Variants in FBXL7 observed in about 807,000 individuals in gnomAD.
FBXL7 encodes F-box and leucine rich repeat protein 7.
A neutral mutation model predicts 38.3 loss-of-function variants in FBXL7; 12 were observed. The observed-to-expected ratio is 0.31, with a 90% CI of 0.20 to 0.51. FBXL7 has a LOEUF of 0.51. Among genes scored for constraint, FBXL7 ranks in the 20% least tolerant of loss-of-function variants. FBXL7 has a pLI of 0.98. For synonymous variants in FBXL7, 297 were observed against 300.9 expected (o/e 0.99, Z 0.13); for missense variants, 567 against 676.4 (o/e 0.84, Z 1.79).
At position 15,500,248 on chromosome 5, in the gene FBXL7, G is replaced by GC. The variant is rs1736450738; in HGVS notation, c.-427dup. ...TGGCCGCCGCGCCCTCCCCGGGGAA[G>GC]CCGCGGGCGCGCAGGGGCAGCCGAA... On this transcript the variant is annotated 5_prime_UTR_variant, in exon 1 of 4. Transcript: ENST00000504595. 1 of 151,944 alleles carries GC rather than the reference G, an allele frequency of 6.6e-6. No homozygotes were observed. The highest frequency in any genetic ancestry group is 1.5e-5 in the Non-Finnish European group (1 of 67,966). 9.4% of individuals were successfully genotyped at this position (151,944 alleles called of 1,614,324 possible).
chr5:15,775,318 T>G (rs1176099587), intron 2 of FBXL7, among the ~76,000 whole-genome samples: 1 of 152,178 alleles, frequency 6.6e-6, no homozygotes, highest in Non-Finnish European at 1.5e-5. Flanking sequence ...TTTTATGTCA[T>G]ACATTTTTGA....
intron 2 of FBXL7, among the ~76,000 whole-genome samples, chr5:15,752,984 G>T (rs1261452777): frequency 6.6e-6 from 1 of 152,148 alleles, no homozygotes; most frequent in African/African-American, 2.4e-5. Context: ...TGACGTTAGG[G>T]CAAAGTTGTT....
intron 1 of FBXL7, among the ~76,000 whole-genome samples, chr5:15,585,140 A>T (rs1273236429): frequency 1.3e-5 from 2 of 152,214 alleles, no homozygotes; most frequent in Non-Finnish European, 2.9e-5. Flanking sequence ...GCAGTTTGGG[A>T]GATAGAAGGA....
intron 1 of FBXL7, among the ~76,000 whole-genome samples, chr5:15,510,273 G>C (rs1033139900): frequency 6.6e-6 from 1 of 152,238 alleles, no homozygotes; most frequent in African/African-American, 2.4e-5. Flanking sequence ...AGATGTAGCA[G>C]TGGAAAGGGA....
At chr5:15,922,444 ATATC>A (rs1741768326) in intron 2 of FBXL7, among the ~76,000 whole-genome samples, 1 of 152,164 alleles carries the variant, frequency 6.6e-6, no homozygotes, top group African/African-American at 2.4e-5. Flanking sequence ...GCTGTGGGTG[ATATC>A]TGCTCCTTGG....
intron 2 of FBXL7, among the ~76,000 whole-genome samples, chr5:15,917,774 CTTT>C (rs11366996): frequency 4.1e-4 from 56 of 138,130 alleles, no homozygotes; most frequent in African/African-American, 1.4e-3. Context: ...AGGCTTATGC[CTTT>C]TTTTTTTTTT....
intron 2 of FBXL7, among the ~76,000 whole-genome samples, chr5:15,808,491 A>G (rs428910): frequency 0.57 from 86,560 of 151,958 alleles, 25,226 homozygotes; most frequent in Non-Finnish European, 0.64. Context: ...AGGCGACACC[A>G]TGGGCATGAC....
intron 2 of FBXL7, among the ~76,000 whole-genome samples, chr5:15,869,612 CTAAA>C (rs1432285141): frequency 1.3e-5 from 2 of 152,090 alleles, no homozygotes; most frequent in Non-Finnish European, 2.9e-5. Context: ...TTAGGGATCC[CTAAA>C]TAGAGATTTT....
chr5:15,914,997 G>T (rs950060366), intron 2 of FBXL7, among the ~76,000 whole-genome samples: 1 of 152,208 alleles, frequency 6.6e-6, no homozygotes, highest in Non-Finnish European at 1.5e-5. Flanking sequence ...ATCTGGGAAG[G>T]CTTGGCAGAA....
At chr5:15,509,517 C>A (rs755816884) in intron 1 of FBXL7, among the ~76,000 whole-genome samples, 1 of 152,134 alleles carries the variant, frequency 6.6e-6, no homozygotes, top group Non-Finnish European at 1.5e-5. Context: ...AATTGAGTTA[C>A]CCTCTAAGTA....
At chr5:15,820,793 T>A (rs1579492359) in intron 2 of FBXL7, among the ~76,000 whole-genome samples, 1 of 152,122 alleles carries the variant, frequency 6.6e-6, no homozygotes. Context: ...GACTCTAGAA[T>A]GAATGTTCTC....
chr5:15,609,456 A>G (rs141473826), intron 1 of FBXL7, among the ~76,000 whole-genome samples: 2 of 152,290 alleles, frequency 1.3e-5, no homozygotes, highest in African/African-American at 2.4e-5. Flanking sequence ...TTTGTGAGTG[A>G]ATGTGCTGGT....
chr5:15,654,731 C>T (rs1437844180), intron 2 of FBXL7, among the ~76,000 whole-genome samples: 1 of 152,030 alleles, frequency 6.6e-6, no homozygotes, highest in African/African-American at 2.4e-5. Context: ...AGATATTGTC[C>T]AACATTTTTG....
intron 1 of FBXL7, among the ~76,000 whole-genome samples, chr5:15,603,575 G>A (rs1421174990): frequency 1.3e-5 from 2 of 152,212 alleles, no homozygotes; most frequent in East Asian, 1.9e-4. Context: ...AGGCAATGAG[G>A]TCATGGCTTA....
chr5:15,525,167 A>T (rs968742120), intron 1 of FBXL7, among the ~76,000 whole-genome samples: 1 of 152,192 alleles, frequency 6.6e-6, no homozygotes, highest in Admixed American at 6.5e-5. Flanking sequence ...AATGGATTAA[A>T]CATTCCCAAA....
At chr5:15,537,279 T>C (rs1384775543) in intron 1 of FBXL7, among the ~76,000 whole-genome samples, 1 of 152,236 alleles carries the variant, frequency 6.6e-6, no homozygotes, top group African/African-American at 2.4e-5. Context: ...TATCTTTTCA[T>C]ATGCTTATTT....
At position 15,704,683 on chromosome 5, in the gene FBXL7, T is replaced by C. The variant is rs931657410; in HGVS notation, c.127+88611T>C. ...TACTATTGCAAACAAGGCTGGATGTTTTTATTTCTTTTTGAAATCCAGAAT... is the reference window on the plus strand; with the variant it reads ...TACTATTGCAAACAAGGCTGGATGTCTTTATTTCTTTTTGAAATCCAGAAT... On this transcript the variant is annotated intron_variant, in intron 2 of 3. Coordinates refer to ENST00000504595, the MANE Select transcript of FBXL7 (RefSeq NM_012304.5). 5.3e-5 allele frequency among the ~76,000 whole-genome samples: 8 copies of C among 152,248 alleles called. No individual in the cohort carries two copies. In the East Asian group the frequency reaches 1.5e-3, roughly 29 times the overall value.
intron 2 of FBXL7, among the ~76,000 whole-genome samples, chr5:15,727,102 C>A (rs1735429281): frequency 6.6e-6 from 1 of 152,132 alleles, no homozygotes; most frequent in Non-Finnish European, 1.5e-5. Context: ...TACGAAAACT[C>A]TGCTCCTTTA....
At chr5:15,741,441 A>T (rs1415319168) in intron 2 of FBXL7, among the ~76,000 whole-genome samples, 1 of 151,984 alleles carries the variant, frequency 6.6e-6, no homozygotes, top group African/African-American at 2.4e-5. Flanking sequence ...TAAAAAATGA[A>T]TTTTTTTTAC....
Sources: allele counts gnomAD v4.1 joint callset (sites outside exome capture counted in the v4.1 genomes callset), GRCh38; gene constraint gnomAD v4.1.1; transcripts MANE v1.5; gene names NCBI Gene and HGNC (gene_info 2026-07-23, HGNC 2026-07-21).